ZNF423: variants seen among roughly 807,000 people sequenced by gnomAD.
ZNF423 encodes the protein Ebf-associated zinc finger protein.
In ZNF423, 12 loss-of-function variants were observed where a neutral mutation model predicts 95.8. The ratio of observed to expected loss-of-function variants is 0.13; its 90% CI spans 0.08 to 0.20. The LOEUF (loss-of-function observed/expected upper bound fraction) is 0.20, where lower values mean the gene tolerates loss of function less well. ZNF423 is among the 10% of genes least tolerant of loss of function. ZNF423 has a pLI of 1.00. For synonymous variants in ZNF423, 749 were observed against 711.9 expected, an observed-to-expected ratio of 1.05 and a Z score of -0.83; for missense variants, 1,316 against 1,737.1, an observed-to-expected ratio of 0.76 and a Z score of 4.31.
At chr16:49,683,544 TCTC>T (rs1408341111) in intron 3 of ZNF423, among the ~76,000 whole-genome samples, 1 of 151,990 alleles carries the variant, frequency 6.6e-6, no homozygotes, top group Non-Finnish European at 1.5e-5. Flanking sequence ...AGAATTCAGT[TCTC>T]CTGACTCCAA....
intron 1 of ZNF423, among the ~76,000 whole-genome samples, chr16:49,810,800 C>T (rs538784861): frequency 1.3e-5 from 2 of 152,328 alleles, no homozygotes; most frequent in Admixed American, 1.3e-4. Flanking sequence ...CCCTACCGGA[C>T]ACTTTCTGTG....
chr16:49,840,476 G>T (rs1342595847), intron 1 of ZNF423, among the ~76,000 whole-genome samples: 3 of 152,130 alleles, frequency 2.0e-5, no homozygotes, highest in Non-Finnish European at 4.4e-5. Flanking sequence ...TCGTTACAGG[G>T]TCAGGTTAAA....
intron 7 of ZNF423, among the ~76,000 whole-genome samples, chr16:49,495,641 C>T (rs578094871): frequency 6.6e-6 from 1 of 152,178 alleles, no homozygotes; most frequent in African/African-American, 2.4e-5. Context: ...ATGGAAGGAG[C>T]GGGCCAGAGT....
chr16:49,833,738 C>T (rs1028654617), intron 1 of ZNF423, among the ~76,000 whole-genome samples: 8 of 152,010 alleles, frequency 5.3e-5, no homozygotes, highest in Admixed American at 5.2e-4. Context: ...TTCAACAGCC[C>T]CCTCAGGACC....
At chr16:49,721,922 T>C (rs2032877381) in intron 3 of ZNF423, among the ~76,000 whole-genome samples, 1 of 152,128 alleles carries the variant, frequency 6.6e-6, no homozygotes, top group Non-Finnish European at 1.5e-5. Context: ...GTCATCCAAT[T>C]TTGGGGAGGT....
intron 7 of ZNF423, among the ~76,000 whole-genome samples, chr16:49,522,474 C>T (rs919088939): frequency 6.6e-6 from 1 of 152,056 alleles, no homozygotes; most frequent in Admixed American, 6.6e-5. Flanking sequence ...TCCCCATCAC[C>T]TGCTTGGATA....
At chr16:49,742,223 C>T (rs2033428277) in intron 2 of ZNF423, among the ~76,000 whole-genome samples, 1 of 152,062 alleles carries the variant, frequency 6.6e-6, no homozygotes, top group African/African-American at 2.4e-5. Context: ...GCCACAAAAT[C>T]CCCGGAAGGT....
At chr16:49,677,467 A>C (rs985971553) in intron 3 of ZNF423, among the ~76,000 whole-genome samples, 73 of 151,640 alleles carry the variant, frequency 4.8e-4, no homozygotes, top group Non-Finnish European at 7.5e-4. Flanking sequence ...AGAGAAGAGA[A>C]AAGAAAAGGA....
intron 3 of ZNF423, among the ~76,000 whole-genome samples, chr16:49,670,308 G>A (rs958875311): frequency 6.6e-6 from 1 of 152,226 alleles, no homozygotes; most frequent in Non-Finnish European, 1.5e-5. Context: ...CTGCCTCTGC[G>A]AGAGTTCAGT....
At chr16:49,609,894 C>G (rs1366838436) in intron 5 of ZNF423, among the ~76,000 whole-genome samples, 2 of 152,158 alleles carry the variant, frequency 1.3e-5, no homozygotes, top group Non-Finnish European at 2.9e-5. Flanking sequence ...CATATTCCAA[C>G]TCCTGAAAAC....
chr16:49,834,983 G>A (rs527843219), intron 1 of ZNF423, among the ~76,000 whole-genome samples: 63 of 151,920 alleles, frequency 4.1e-4, no homozygotes, highest in African/African-American at 1.1e-3. Flanking sequence ...TGTGCAGTGC[G>A]CCTTGGGGGG....
At chr16:49,747,107 T>C (rs987565296) in intron 2 of ZNF423, among the ~76,000 whole-genome samples, 2 of 152,174 alleles carry the variant, frequency 1.3e-5, no homozygotes, top group African/African-American at 4.8e-5. Flanking sequence ...GCTTATATCC[T>C]AGAAAACTCC....
At chr16:49,545,647 G>A (rs1207908493) in intron 5 of ZNF423, among the ~76,000 whole-genome samples, 1 of 152,226 alleles carries the variant, frequency 6.6e-6, no homozygotes, top group Non-Finnish European at 1.5e-5. Context: ...GCAGTTTGGG[G>A]TACAAAATTA....
chr16:49,708,487 A>T (rs1056998738), intron 3 of ZNF423, among the ~76,000 whole-genome samples: 30 of 152,028 alleles, frequency 2.0e-4, no homozygotes, highest in African/African-American at 7.0e-4. Context: ...ATGTGGTTTC[A>T]CCATGTTGGC....
In ZNF423 at chr16:49,769,387, A is replaced by AAAAGAC. The variant is rs1369700613; in HGVS notation, c.100+20099_100+20100insGTCTTT. 4.4e-4 allele frequency among the ~76,000 whole-genome samples: 66 copies of AAAAGAC among 148,736 alleles called. No homozygotes were observed. The East Asian group carries it at 0.01, about 23-fold the overall frequency. ...AAAAGAAAAAAAGAAAAGAAAAAGA[A>AAAAGAC]AGAAAGAAAAGGCAAGAAAAGAAAA... On this transcript the variant is annotated intron_variant, in intron 2 of 7. Transcript: ENST00000563137.
intron 7 of ZNF423, among the ~76,000 whole-genome samples, chr16:49,495,517 T>C (rs1469168250): frequency 1.3e-5 from 2 of 152,246 alleles, no homozygotes; most frequent in Non-Finnish European, 1.5e-5. Flanking sequence ...ATTCATTTCA[T>C]GGTTGCTCAT....
At chr16:49,659,236 G>A (rs1003997194) in intron 3 of ZNF423, among the ~76,000 whole-genome samples, 12 of 152,108 alleles carry the variant, frequency 7.9e-5, no homozygotes, top group African/African-American at 2.9e-4. Flanking sequence ...CTACAGGTGT[G>A]CCACCACTCC....
At chr16:49,606,733 G>A (rs908259973) in intron 5 of ZNF423, among the ~76,000 whole-genome samples, 3 of 152,228 alleles carry the variant, frequency 2.0e-5, no homozygotes, top group African/African-American at 7.2e-5. Context: ...GATCACAGGG[G>A]CCCTGGGATG....
At chr16:49,620,242 T>A (rs1453293279) in intron 5 of ZNF423, among the ~76,000 whole-genome samples, 4 of 138,570 alleles carry the variant, frequency 2.9e-5, no homozygotes, top group Admixed American at 7.2e-5. Context: ...CACAGACACA[T>A]ACACACACAG....
Sources: allele counts gnomAD v4.1 joint callset (sites outside exome capture counted in the v4.1 genomes callset), GRCh38; gene constraint gnomAD v4.1.1; transcripts MANE v1.5; gene names NCBI Gene and HGNC (gene_info 2026-07-23, HGNC 2026-07-21).